The following ABCA9 variants were observed in gnomAD, a reference collection of about 807,000 sequenced individuals.
ABCA9 encodes ATP binding cassette subfamily A member 9.
ABCA9 carries 183 observed loss-of-function variants against 205.3 expected under a neutral mutation model. That is an observed-to-expected ratio of 0.89 (90% CI 0.79 to 1.01). ABCA9 has a LOEUF of 1.01. ABCA9 is among the 50% of genes least tolerant of loss of function. The probability of loss-of-function intolerance (pLI) is 0.00; values close to 1 mark genes in which losing one functional copy is unlikely to be tolerated. For synonymous variants in ABCA9, 651 were observed against 683.3 expected, an observed-to-expected ratio of 0.95 and a Z score of 0.74; for missense variants, 1,805 against 1,912.4, an observed-to-expected ratio of 0.94 and a Z score of 1.05.
intron 3 of ABCA9, among the ~76,000 whole-genome samples, chr17:69,048,152 C>A (rs1353445018): frequency 6.6e-6 from 1 of 152,166 alleles, no homozygotes; most frequent in African/African-American, 2.4e-5. Flanking sequence ...CCAATCACTT[C>A]CCTCCCTCAA....
At position 69,012,214 on chromosome 17, in the gene ABCA9, A is replaced by G; in HGVS notation, c.3040-131T>C. The G allele has an allele frequency of 1.0e-5, 6 of 577,150 alleles. No homozygotes were observed. In the South Asian group the frequency reaches 1.5e-4, roughly 15 times the overall value. 35.8% of individuals were successfully genotyped at this position (577,150 alleles called of 1,614,324 possible). ...AGTGCTTCTCAAGGTCCTATATGCA[A>G]CTTCTTACCCACATTCATTTTCAAT... On this transcript the variant is annotated intron_variant, in intron 22 of 38. Transcript: ENST00000340001.
intron 31 of ABCA9, among the ~76,000 whole-genome samples, chr17:68,987,424 A>C (rs1374287057): frequency 6.6e-6 from 1 of 152,262 alleles, no homozygotes; most frequent in Non-Finnish European, 1.5e-5. Flanking sequence ...GCTTTCAAGG[A>C]AATAGATATG....
intron 34 of ABCA9, among the ~76,000 whole-genome samples, chr17:68,984,503 T>C (rs963004817): frequency 6.6e-6 from 1 of 152,212 alleles, no homozygotes; most frequent in South Asian, 2.1e-4. Context: ...AGGTACAAGA[T>C]GACAGAATTC....
rs765589509 is a variant in ABCA9 at position 69,033,869 on chromosome 17, A to G, written c.1133T>C (p.Ile378Thr). ...AGAATTCACATCATAGTCCAAATGT[A>G]TAAGCTGAAAAAGAAAGATACAGTG... ...FAFTVGMAQL[I>T]HLDYDVNSNA... The change falls in exon 9 of 39, where the codon ATA (isoleucine) becomes ACA (threonine). Residue 378 changes from isoleucine (I) to threonine (T), a missense_variant. Physicochemically the swap from Ile to Thr is moderately conservative, Grantham distance 89. Coordinates refer to ENST00000340001, the MANE Select transcript of ABCA9 (RefSeq NM_080283.4). 6.5e-5 allele frequency: 103 copies of G among 1,587,844 alleles called. No homozygotes were observed. Among genetic ancestry groups the G allele is most frequent in the Admixed American group, 5.7e-4 (32 of 56,328 alleles).
chr17:68,987,875 C>T (rs2069298594), intron 31 of ABCA9, among the ~76,000 whole-genome samples: 1 of 152,124 alleles, frequency 6.6e-6, no homozygotes, highest in African/African-American at 2.4e-5. Flanking sequence ...AGCAATTCTC[C>T]TGCCTCAGTC....
intron 10 of ABCA9, among the ~76,000 whole-genome samples, 184 bp from the exon 11 acceptor site, chr17:69,029,411 T>A (rs1179265114): frequency 6.6e-6 from 1 of 152,136 alleles, no homozygotes; most frequent in African/African-American, 2.4e-5. Flanking sequence ...CCAGGGCAAC[T>A]AATTAGAAGC....
At chr17:69,021,882 A>G (rs2070821593) in intron 17 of ABCA9, 21 bp from the exon 18 acceptor site, 2 of 1,378,932 alleles carry the variant, frequency 1.5e-6, no homozygotes, top group Admixed American at 2.4e-5. Flanking sequence ...ATACAAAAAC[A>G]GATTATAAGA....
Position 69,008,084 on chromosome 17 carries a change from A to G in ABCA9, c.3299T>C (p.Ile1100Thr). The stretch of plus-strand genomic sequence containing the variant: ...TACTTGAATTAACAGGTTTTGAATT[A>G]TAAATATAATCTCCTCTGGGCTAAA... ...YIFSPEEIIF[I>T]IQNLLIQILC... is the part of the protein sequence containing the mutation. The change falls in exon 24 of 39, where the codon ATA becomes ACA. Residue 1100 changes from isoleucine to threonine, a missense_variant. By Grantham distance (89) the Ile-to-Thr change is moderately conservative. Coordinates refer to ENST00000340001, the MANE Select transcript of ABCA9 (RefSeq NM_080283.4). 1 of 1,608,656 alleles carries G rather than the reference A, an allele frequency of 6.2e-7. No individual in the cohort carries two copies. The highest frequency in any genetic ancestry group is 8.5e-7 in the Non-Finnish European group (1 of 1,177,724).
chr17:68,981,921 A>C (rs8068047), intron 37 of ABCA9, among the ~76,000 whole-genome samples: 7,401 of 149,416 alleles, frequency 0.05, 427 homozygotes, highest in African/African-American at 0.14. Context: ...CAGCTCAAGA[A>C]GGGGCATGAG....
Position 69,007,813 on chromosome 17 carries a change from G to T in ABCA9, c.3381C>A (p.Phe1127Leu). Reference protein sequence around the residue: ...SLVFLTYVISFIFRNGRKNSG... With the variant: ...SLVFLTYVISLIFRNGRKNSG... Reference sequence around the variant, plus strand: ...TATTTTTTCTCCCATTGCGAAAAATGAATGAAATCACATATGTCAAGAAAA... The same window carrying T: ...TATTTTTTCTCCCATTGCGAAAAATTAATGAAATCACATATGTCAAGAAAA... Residue 1127 changes from phenylalanine to leucine, a missense_variant, in exon 25 of 39, where the codon TTC becomes TTA. Phe to Leu is a conservative substitution (Grantham distance 22, BLOSUM62 0). Coordinates refer to ENST00000340001, the MANE Select transcript of ABCA9 (RefSeq NM_080283.4). 1.2e-6 allele frequency: 2 copies of T among 1,611,894 alleles called. No homozygotes were observed. Among genetic ancestry groups the T allele is most frequent in the South Asian group, 2.2e-5 (2 of 90,778 alleles).
chr17:69,067,958 A>G, the ABCA9 span, among the ~76,000 whole-genome samples: 4 of 152,228 alleles, frequency 2.6e-5, no homozygotes, highest in African/African-American at 9.6e-5. Flanking sequence ...AAACACTGGG[A>G]AATCTTGGCT....
At chr17:68,989,294 A>C (rs531690777) in intron 30 of ABCA9, among the ~76,000 whole-genome samples, 176 bp from the exon 31 acceptor site, 37 of 146,424 alleles carry the variant, frequency 2.5e-4, no homozygotes, top group Admixed American at 1.4e-3. Flanking sequence ...ACACACACAC[A>C]CCCCTGAGCA....
chr17:69,047,627 T>A (rs370073417), intron 3 of ABCA9, among the ~76,000 whole-genome samples: 2 of 152,162 alleles, frequency 1.3e-5, no homozygotes, highest in African/African-American at 4.8e-5. Flanking sequence ...GCTATCATTC[T>A]TTGTTCTGCT....
chr17:69,007,163 C>CCCAG (rs1235019574), intron 25 of ABCA9, among the ~76,000 whole-genome samples: 1 of 152,132 alleles, frequency 6.6e-6, no homozygotes, highest in Non-Finnish European at 1.5e-5. Flanking sequence ...CGCCTGTAAT[C>CCCAG]CCAGCACTTT....
At chr17:69,075,256 C>T in the ABCA9 span, among the ~76,000 whole-genome samples, 1 of 151,978 alleles carries the variant, frequency 6.6e-6, no homozygotes, top group Non-Finnish European at 1.5e-5. Context: ...ACTTAGGTCC[C>T]GCTTGTCCAT....
intron 32 of ABCA9, 54 bp downstream of exon 32, chr17:68,986,110 T>C (rs2069228905): frequency 6.6e-7 from 1 of 1,525,942 alleles, no homozygotes; most frequent in Admixed American, 2.0e-5. Flanking sequence ...TGTGTGTATG[T>C]TATTAATACA....
At chr17:69,047,776 G>C (rs1017525004) in intron 3 of ABCA9, among the ~76,000 whole-genome samples, 1 of 152,156 alleles carries the variant, frequency 6.6e-6, no homozygotes, top group Non-Finnish European at 1.5e-5. Flanking sequence ...AACTGCCTTT[G>C]TTCTGTTCTC....
In ABCA9 at chr17:68,975,827, C is replaced by T. The variant is rs1055624749; in HGVS notation, c.*88G>A. On this transcript the variant is annotated 3_prime_UTR_variant, in exon 39 of 39. Coordinates refer to ENST00000340001, the MANE Select transcript of ABCA9 (RefSeq NM_080283.4). ...CATGAGTTTCAAATGCATTTTGTAC[C>T]ACCTCTGATATAAGGCATATTAAGG... The T allele has an allele frequency of 5.1e-6, 5 of 987,642 alleles. No individual in the cohort carries two copies. The highest frequency in any genetic ancestry group is 7.6e-6 in the Non-Finnish European group (5 of 654,040). 61.2% of individuals were successfully genotyped at this position (987,642 alleles called of 1,614,324 possible). A position where few individuals can be genotyped will look rare whatever the true frequency, so the allele number is the denominator to read the frequency against.
At position 69,027,020 on chromosome 17, in the gene ABCA9, A is replaced by C; in HGVS notation, c.2006T>G (p.Ile669Ser). 6.2e-7 allele frequency: 1 copy of C among 1,614,146 alleles called. No individual in the cohort carries two copies. The highest frequency in any genetic ancestry group is 8.5e-7 in the Non-Finnish European group (1 of 1,180,010). The change falls in exon 15 of 39, where the codon ATT (isoleucine) becomes AGT (serine). Residue 669 changes from isoleucine (I) to serine (S), a missense_variant. By Grantham distance (142) the Ile-to-Ser change is moderately radical. Coordinates refer to ENST00000340001, the MANE Select transcript of ABCA9 (RefSeq NM_080283.4). ...LLKEGKSDRV[I>S]LFSTQFIDEA... ...ATCTATAAACTGGGTGCTGAAGAGA[A>C]TTACTCTGTCTGATTTCCCCTCTTT...
Sources: allele counts gnomAD v4.1 joint callset (sites outside exome capture counted in the v4.1 genomes callset), GRCh38; gene constraint gnomAD v4.1.1; transcripts MANE v1.5; gene names NCBI Gene and HGNC (gene_info 2026-07-23, HGNC 2026-07-21).